The following ROBO1 variants were observed in gnomAD, a reference collection of about 807,000 sequenced individuals.
ROBO1 encodes the protein roundabout homolog 1.
In ROBO1, 149 loss-of-function variants were observed where a neutral mutation model predicts 195.9. That is an observed-to-expected ratio of 0.76 (90% CI 0.67 to 0.87). ROBO1 has a LOEUF of 0.87. Among genes scored for constraint, ROBO1 ranks in the 40% least tolerant of loss-of-function variants. The pLI, the probability that ROBO1 is intolerant of heterozygous loss-of-function variation, is 0.00. For missense variants in ROBO1, 1,933 were observed against 2,068.3 expected, an observed-to-expected ratio of 0.93 and a Z score of 1.27; for synonymous variants, 816 against 733.2, an observed-to-expected ratio of 1.11 and a Z score of -1.82.
At chr3:78,957,482 C>T (rs904377256) in intron 3 of ROBO1, among the ~76,000 whole-genome samples, 1 of 152,016 alleles carries the variant, frequency 6.6e-6, no homozygotes, top group South Asian at 2.1e-4. Flanking sequence ...CATGGGGGCC[C>T]GTAAACAACC....
At chr3:78,885,793 T>A (rs952288948) in intron 4 of ROBO1, among the ~76,000 whole-genome samples, 83 of 151,096 alleles carry the variant, frequency 5.5e-4, no homozygotes, top group Middle Eastern at 7.0e-3. Flanking sequence ...TGACTGTAAA[T>A]CCTACATGGA....
intron 3 of ROBO1, among the ~76,000 whole-genome samples, chr3:79,110,246 A>T (rs1005582216): frequency 1.3e-5 from 2 of 152,014 alleles, no homozygotes; most frequent in Non-Finnish European, 2.9e-5. Flanking sequence ...TTACACTTTC[A>T]GAAATAATAT....
At chr3:78,802,707 GCATCAT>G (rs58983750) in intron 4 of ROBO1, among the ~76,000 whole-genome samples, 96,076 of 149,532 alleles carry the variant, frequency 0.64, 31,208 homozygotes, top group East Asian at 0.76. Flanking sequence ...CTGCGGTCTA[GCATCAT>G]CATCATCATC....
chr3:79,283,871 G>T (rs1259138882), intron 2 of ROBO1, among the ~76,000 whole-genome samples: 5 of 151,516 alleles, frequency 3.3e-5, no homozygotes, highest in Admixed American at 6.6e-5. Context: ...CTAATTTTTT[G>T]TATTTTTAGT....
chr3:79,019,442 C>G, intron 3 of ROBO1: 1 of 986,298 alleles, frequency 1.0e-6, no homozygotes, highest in Non-Finnish European at 1.2e-6. Flanking sequence ...CTCACGCTGC[C>G]TCCTCTCCAG....
chr3:79,634,084 G>C (rs1442988318), intron 1 of ROBO1, among the ~76,000 whole-genome samples: 1 of 152,176 alleles, frequency 6.6e-6, no homozygotes, highest in African/African-American at 2.4e-5. Flanking sequence ...AAGAAACTTA[G>C]GCCTGGGGAG....
At chr3:79,680,229 C>A (rs1250967369) in intron 1 of ROBO1, among the ~76,000 whole-genome samples, 1 of 151,890 alleles carries the variant, frequency 6.6e-6, no homozygotes, top group Non-Finnish European at 1.5e-5. Flanking sequence ...GCTCACTGGC[C>A]AGAGCTAAGT....
intron 3 of ROBO1, among the ~76,000 whole-genome samples, chr3:79,013,690 A>T (rs1245123217): frequency 5.3e-5 from 8 of 152,144 alleles, no homozygotes; most frequent in Non-Finnish European, 1.0e-4. Context: ...ACATTCCCTA[A>T]CTTCTCTATG....
chr3:78,804,435 C>A (rs908618186), intron 4 of ROBO1, among the ~76,000 whole-genome samples: 4 of 151,990 alleles, frequency 2.6e-5, no homozygotes, highest in African/African-American at 9.7e-5. Flanking sequence ...GTGTATACAA[C>A]ATAATTAGGG....
chr3:79,599,855 A>G (rs1340125229), intron 1 of ROBO1, among the ~76,000 whole-genome samples: 1 of 152,050 alleles, frequency 6.6e-6, no homozygotes, highest in East Asian at 1.9e-4. Flanking sequence ...ATTTTAAAAA[A>G]TGATCTAATG....
intron 4 of ROBO1, among the ~76,000 whole-genome samples, chr3:78,810,385 A>C: frequency 6.6e-6 from 1 of 152,210 alleles, no homozygotes; most frequent in Non-Finnish European, 1.5e-5. Context: ...AATTTGCTGT[A>C]TGCATGGGAA....
intron 2 of ROBO1, among the ~76,000 whole-genome samples, chr3:79,472,611 T>C (rs1938342077): frequency 6.6e-6 from 1 of 152,162 alleles, no homozygotes; most frequent in African/African-American, 2.4e-5. Context: ...AGAGAAAAGC[T>C]AAAATGCAAC....
At chr3:78,824,419 ATTGT>A (rs1031912475) in intron 4 of ROBO1, among the ~76,000 whole-genome samples, 7 of 152,276 alleles carry the variant, frequency 4.6e-5, no homozygotes, top group African/African-American at 1.2e-4. Context: ...GAAAAGATTC[ATTGT>A]TTGTGATTTT....
intron 3 of ROBO1, chr3:79,019,059 G>T (rs989389818): frequency 1.0e-6 from 1 of 989,714 alleles, no homozygotes; most frequent in South Asian, 4.7e-5. Flanking sequence ...GCGAGGGGGC[G>T]GTGCGGCGAC....
intron 2 of ROBO1, among the ~76,000 whole-genome samples, chr3:79,588,472 C>T (rs552305463): frequency 6.6e-6 from 1 of 151,774 alleles, no homozygotes; most frequent in Admixed American, 6.6e-5. Flanking sequence ...GCTGGCCATA[C>T]AGTTTAATGG....
chr3:79,244,975 T>C (rs2082597998), intron 2 of ROBO1, among the ~76,000 whole-genome samples: 1 of 152,076 alleles, frequency 6.6e-6, no homozygotes, highest in East Asian at 1.9e-4. Context: ...TGAAAGAATA[T>C]AAGGAGATTT....
intron 3 of ROBO1, among the ~76,000 whole-genome samples, chr3:78,952,992 T>C (rs374396501): frequency 2.2e-3 from 340 of 152,152 alleles, no homozygotes; most frequent in Admixed American, 3.5e-3. Flanking sequence ...AGTGAATGCC[T>C]GGTGTTTTTG....
chr3:79,715,546 C>G (rs1702449677), intron 1 of ROBO1, among the ~76,000 whole-genome samples: 1 of 152,058 alleles, frequency 6.6e-6, no homozygotes, highest in Admixed American at 6.6e-5. Context: ...TAATGTAGTA[C>G]AGTATTATGT....
intron 5 of ROBO1, among the ~76,000 whole-genome samples, chr3:78,734,265 A>G (rs1221815114): frequency 6.6e-6 from 1 of 152,066 alleles, no homozygotes; most frequent in Non-Finnish European, 1.5e-5. Context: ...TTTGACTGAA[A>G]CTAACATGTG....
Sources: allele counts gnomAD v4.1 joint callset (sites outside exome capture counted in the v4.1 genomes callset), GRCh38; gene constraint gnomAD v4.1.1; transcripts MANE v1.5; gene names NCBI Gene and HGNC (gene_info 2026-07-23, HGNC 2026-07-21).